The following KCNK6 variants were observed in gnomAD, a reference collection of about 807,000 sequenced individuals.
KCNK6 encodes the protein potassium channel subfamily K member 6.
In KCNK6, 20 loss-of-function variants were observed where a neutral mutation model predicts 21.9. The observed-to-expected ratio is 0.91, with a 90% CI of 0.64 to 1.32. The LOEUF is 1.32. KCNK6 is among the 40% of genes most tolerant of loss of function. The probability of loss-of-function intolerance (pLI) is 0.00; values close to 1 mark genes in which losing one functional copy is unlikely to be tolerated. For missense variants in KCNK6, 415 were observed against 433.1 expected (o/e 0.96, Z 0.37); for synonymous variants, 210 against 218.0 (o/e 0.96, Z 0.32).
rs1969729201 is a variant in KCNK6, at chr19:38,327,763, T to G, written c.*360T>G. 1.8e-5 allele frequency: 5 copies of G among 285,588 alleles called. No homozygotes were observed. In the South Asian group the frequency reaches 2.0e-4, roughly 11 times the overall value. The allele number at this position is 285,588 out of a possible 1,614,324, so 17.7% of individuals were successfully genotyped here. A position where few individuals can be genotyped will look rare whatever the true frequency, so the allele number is the denominator to read the frequency against. ...TCTGTGTCTCTCAATTAACCACTCG[T>G]CAACTGCTGATTCTACTGGGCTGTG... On this transcript the variant is annotated 3_prime_UTR_variant, in exon 3 of 3. Transcript: ENST00000263372.
chr19:38,331,509 C>T lies in KCNK6; in HGVS notation c.*4106C>T, dbSNP rs1969768000. 6.6e-6 allele frequency: 1 copy of T among 151,944 alleles called. No individual in the cohort carries two copies. The highest frequency in any genetic ancestry group is 1.5e-5 in the Non-Finnish European group (1 of 68,042). The allele number at this position is 151,944 out of a possible 1,614,324, so 9.4% of individuals were successfully genotyped here. A position where few individuals can be genotyped will look rare whatever the true frequency, so the allele number is the denominator to read the frequency against. On this transcript the variant is annotated 3_prime_UTR_variant, in exon 3 of 3. Transcript: ENST00000263372. ...GTGCGGTGGCACGCACCTGTGATCC[C>T]AGCTACTCGGGAGGCTGAGGCAGGA...
chr19:38,328,845 TGAAAGAAAGAGAGAAAGAAA>T lies in KCNK6; in HGVS notation c.*1457_*1476del, dbSNP rs971354279. On this transcript the variant is annotated 3_prime_UTR_variant, in exon 3 of 3. Transcript: ENST00000263372. ...CTGCGGGACAGAGTGAGACCCTGTC[TGAAAGAAAGAGAGAAAGAAA>T]GAAAGAAAGAGAGAGAAAGAAAGAA... 1.7e-4 allele frequency: 17 copies of T among 102,340 alleles called. No individual in the cohort carries two copies. The highest frequency in any genetic ancestry group is 3.0e-4 in the Non-Finnish European group (14 of 46,930). 6.3% of individuals were successfully genotyped at this position (102,340 alleles called of 1,614,324 possible).
intron 1 of KCNK6, chr19:38,325,622 A>G (rs1007228590): frequency 2.4e-6 from 2 of 838,156 alleles, no homozygotes; most frequent in African/African-American, 3.7e-5. Context: ...CTATGGGAAA[A>G]AAAAGTGTTG....
rs1223147007 is a variant in KCNK6, at chr19:38,328,840, C to G, written c.*1437C>G. On this transcript the variant is annotated 3_prime_UTR_variant, in exon 3 of 3. Coordinates refer to ENST00000263372, the MANE Select transcript of KCNK6 (RefSeq NM_004823.3). ...CCAGCCTGCGGGACAGAGTGAGACC[C>G]TGTCTGAAAGAAAGAGAGAAAGAAA... The G allele has an allele frequency of 8.8e-6, 1 of 113,458 alleles. No homozygotes were observed. Among genetic ancestry groups the G allele is most frequent in the Non-Finnish European group, 2.0e-5 (1 of 50,476 alleles). The allele number at this position is 113,458 out of a possible 1,614,324, so 7.0% of individuals were successfully genotyped here.
rs766505845 is a variant in KCNK6, at chr19:38,328,828, C to T, written c.*1425C>T. The stretch of plus-strand genomic sequence containing the variant: ...CACTGCTGCACTCCAGCCTGCGGGA[C>T]AGAGTGAGACCCTGTCTGAAAGAAA... On this transcript the variant is annotated 3_prime_UTR_variant, in exon 3 of 3. Coordinates refer to ENST00000263372, the MANE Select transcript of KCNK6 (RefSeq NM_004823.3). 25 of 123,706 alleles carry T rather than the reference C, an allele frequency of 2.0e-4. No homozygotes were observed. The highest frequency in any genetic ancestry group is 6.8e-4 in the African/African-American group (25 of 36,804). The allele number at this position is 123,706 out of a possible 1,614,324, so 7.7% of individuals were successfully genotyped here. A position where few individuals can be genotyped will look rare whatever the true frequency, so the allele number is the denominator to read the frequency against.
At position 38,327,475 on chromosome 19, in the gene KCNK6, G is replaced by A; in HGVS notation, c.*72G>A. On this transcript the variant is annotated 3_prime_UTR_variant, in exon 3 of 3. Transcript: ENST00000263372. ...GGGGTCCAGGCGACCAGAGCTGGCT[G>A]TACAGGAATGTCCACGAGCACAGCA... The A allele has an allele frequency of 1.4e-6, 2 of 1,383,752 alleles. No homozygotes were observed. The highest frequency in any genetic ancestry group is 2.0e-6 in the Non-Finnish European group (2 of 1,004,316). 85.7% of individuals were successfully genotyped at this position (1,383,752 alleles called of 1,614,324 possible).
At position 38,320,091 on chromosome 19, in the gene KCNK6, G is replaced by T; in HGVS notation, c.141G>T (p.Leu47=). 1 of 1,546,828 alleles carries T rather than the reference G, an allele frequency of 6.5e-7. No homozygotes were observed. Among genetic ancestry groups the T allele is most frequent in the South Asian group, 1.2e-5 (1 of 86,164 alleles). Residue 47 remains leucine (L), a synonymous_variant, in exon 1 of 3, where the codon CTG becomes CTT. Transcript: ENST00000263372. The part of the protein sequence containing the change: ...RAELETLRAQ[L]LQRSPCVAAP... Reference sequence around the variant, plus strand: ...AGCTGGAGACGCTGCGGGCGCAGCTGCTTCAGCGCAGCCCGTGTGTGGCTG... The same window carrying T: ...AGCTGGAGACGCTGCGGGCGCAGCTTCTTCAGCGCAGCCCGTGTGTGGCTG...
At chr19:38,326,333 G>C (rs1336016081) in intron 1 of KCNK6, among the ~76,000 whole-genome samples, 1 of 152,168 alleles carries the variant, frequency 6.6e-6, no homozygotes, top group East Asian at 1.9e-4. Flanking sequence ...AGGATCACTA[G>C]AGTCCAGGAG....
chr19:38,322,430 T>C (rs2145038860), intron 1 of KCNK6, among the ~76,000 whole-genome samples: 1 of 152,306 alleles, frequency 6.6e-6, no homozygotes, highest in South Asian at 2.1e-4. Flanking sequence ...GGAAGAATAC[T>C]AAGAGGAGAG....
chr19:38,330,947 T>G lies in KCNK6; in HGVS notation c.*3544T>G, dbSNP rs1007410642. 2.6e-5 allele frequency: 4 copies of G among 152,380 alleles called. No homozygotes were observed. In the South Asian group the frequency reaches 6.2e-4, roughly 24 times the overall value. The allele number at this position is 152,380 out of a possible 1,614,324, so 9.4% of individuals were successfully genotyped here. On this transcript the variant is annotated 3_prime_UTR_variant, in exon 3 of 3. Coordinates refer to ENST00000263372, the MANE Select transcript of KCNK6 (RefSeq NM_004823.3). ...TGAGCTAAAGTCATCTCGGGGCAGC[T>G]AGGTGCCTATGTGAGCTGGCGTTCA... is the stretch of plus-strand genomic sequence containing the variant.
intron 1 of KCNK6, among the ~76,000 whole-genome samples, chr19:38,322,410 G>C (rs75530589): frequency 0.059 from 9,051 of 152,280 alleles, 463 homozygotes; most frequent in East Asian, 0.27. Context: ...GAATAAGGGA[G>C]TCAGTGGATG....
At position 38,328,908 on chromosome 19, in the gene KCNK6, T is replaced by TGGAA. The variant is rs776767556; in HGVS notation, c.*1518_*1521dup. ...AGAAAGAAAGAAAGAAAGGGAAAGA[T>TGGAA]GGAAGGAAGGAAGGAAAAAGAAAGA... On this transcript the variant is annotated 3_prime_UTR_variant, in exon 3 of 3. Coordinates refer to ENST00000263372, the MANE Select transcript of KCNK6 (RefSeq NM_004823.3). 4 of 72,220 alleles carry TGGAA rather than the reference T, an allele frequency of 5.5e-5. No homozygotes were observed. The highest frequency in any genetic ancestry group is 9.5e-5 in the African/African-American group (2 of 21,040). 4.5% of individuals were successfully genotyped at this position (72,220 alleles called of 1,614,324 possible).
chr19:38,320,288 A>G lies in KCNK6; in HGVS notation c.322+16A>G, dbSNP rs1969636018. On this transcript the variant is annotated intron_variant, in intron 1 of 2. Transcript: ENST00000263372. The stretch of plus-strand genomic sequence containing the variant: ...ACCACCGTGGGTACGTAAGCGCCTC[A>G]CCGCAAGGCGGCGAGGACCCGGGAT... 6 of 1,603,604 alleles carry G rather than the reference A, an allele frequency of 3.7e-6. No individual in the cohort carries two copies. The East Asian group carries it at 1.3e-4, about 36-fold the overall frequency.
intron 1 of KCNK6, among the ~76,000 whole-genome samples, chr19:38,321,634 G>A (rs1391624697): frequency 6.6e-6 from 1 of 152,244 alleles, no homozygotes; most frequent in African/African-American, 2.4e-5. Flanking sequence ...GTTGAGGAGA[G>A]GAGGCTGGTG....
intron 1 of KCNK6, among the ~76,000 whole-genome samples, chr19:38,320,930 AGAGACCTCCAGCAAGGACCCAG>A (rs1393836888): frequency 1.3e-5 from 2 of 152,098 alleles, no homozygotes; most frequent in Non-Finnish European, 2.9e-5. Flanking sequence ...GACTGTCCTC[AGAGACCTCCAGCAAGGACCCAG>A]GACACGCCAC....
chr19:38,325,153 G>A lies in KCNK6; in HGVS notation c.323-1440G>A, dbSNP rs1242552473. The A allele has an allele frequency of 2.7e-5, 4 of 148,190 alleles. No individual in the cohort carries two copies. The East Asian group carries it at 5.9e-4, about 22-fold the overall frequency. The allele number at this position is 148,190 out of a possible 1,614,324, so 9.2% of individuals were successfully genotyped here. A position where few individuals can be genotyped will look rare whatever the true frequency, so the allele number is the denominator to read the frequency against. On this transcript the variant is annotated intron_variant, in intron 1 of 2. Coordinates refer to ENST00000263372, the MANE Select transcript of KCNK6 (RefSeq NM_004823.3). Reference sequence around the variant, plus strand: ...TTTTTTTGAGACGGATTCTTGCTCTGTCACCCAGGCTGGAATGCAGTAGCA... The same window carrying A: ...TTTTTTTGAGACGGATTCTTGCTCTATCACCCAGGCTGGAATGCAGTAGCA...
chr19:38,325,221 A>AT (rs1280707584), intron 1 of KCNK6: 9 of 162,288 alleles, frequency 5.5e-5, no homozygotes, highest in Non-Finnish European at 9.0e-5. Flanking sequence ...GGTTCAAGTG[A>AT]TTCTTCTGCC....
chr19:38,326,765 C>T lies in KCNK6; in HGVS notation c.495C>T (p.Pro165=). 6.2e-7 allele frequency: 1 copy of T among 1,604,426 alleles called. No homozygotes were observed. The change falls in exon 2 of 3, where the codon CCC becomes CCT. Residue 165 remains proline (P), a synonymous_variant. Coordinates refer to ENST00000263372, the MANE Select transcript of KCNK6 (RefSeq NM_004823.3). ...SWLSMRWGWD[P]RRAACWHLVA... Reference sequence around the variant, plus strand: ...TGAGCATGCGTTGGGGCTGGGACCCCCGGCGGGCGGCCTGCTGGCACTTGG... The same window carrying T: ...TGAGCATGCGTTGGGGCTGGGACCCTCGGCGGGCGGCCTGCTGGCACTTGG...
intron 1 of KCNK6, among the ~76,000 whole-genome samples, chr19:38,326,215 G>A (rs536423315): frequency 1.3e-5 from 2 of 152,116 alleles, no homozygotes; most frequent in Non-Finnish European, 2.9e-5. Flanking sequence ...GTAGGTGTGG[G>A]TGTCCGCAGA....
Sources: allele counts gnomAD v4.1 joint callset (sites outside exome capture counted in the v4.1 genomes callset), GRCh38; gene constraint gnomAD v4.1.1; transcripts MANE v1.5; gene names NCBI Gene and HGNC (gene_info 2026-07-23, HGNC 2026-07-21).